FYCO1: variants seen among roughly 807,000 people sequenced by gnomAD.
The protein encoded by FYCO1 is FYVE and coiled-coil domain autophagy adaptor 1, also known as FYVE and coiled-coil domain-containing protein 1.
In FYCO1, 122 loss-of-function variants were observed where a neutral mutation model predicts 165.1. That is an observed-to-expected ratio of 0.74 (90% CI 0.64 to 0.86). The LOEUF (loss-of-function observed/expected upper bound fraction) is 0.86, where lower values mean the gene tolerates loss of function less well. FYCO1 is among the 40% of genes least tolerant of loss of function. The pLI is 0.00. For synonymous variants in FYCO1, 648 were observed against 742.5 expected (o/e 0.87, Z 2.07); for missense variants, 1,702 against 1,810.3 (o/e 0.94, Z 1.09).
At chr3:45,979,265 G>A (rs1706926772) in intron 4 of FYCO1, among the ~76,000 whole-genome samples, 1 of 152,232 alleles carries the variant, frequency 6.6e-6, no homozygotes, top group Admixed American at 6.5e-5. Context: ...AATGTCTCTT[G>A]AGATCCCACA....
intron 3 of FYCO1, among the ~76,000 whole-genome samples, chr3:45,980,222 G>A (rs1458263796): frequency 5.9e-5 from 9 of 152,004 alleles, no homozygotes; most frequent in Admixed American, 2.6e-4. Flanking sequence ...GGTGGCGGGC[G>A]CCTGTGATCC....
intron 2 of FYCO1, among the ~76,000 whole-genome samples, 187 bp from the exon 3 acceptor site, chr3:45,981,863 T>C (rs1017560413): frequency 6.6e-6 from 1 of 152,168 alleles, no homozygotes; most frequent in Non-Finnish European, 1.5e-5. Flanking sequence ...TCCTGAGAGC[T>C]CACAGATACT....
Position 45,966,625 on chromosome 3 carries a change from T to C in FYCO1, c.2709A>G (p.Thr903=), listed in dbSNP as rs2125849319. The C allele has an allele frequency of 1.2e-6, 2 of 1,614,192 alleles. No individual in the cohort carries two copies. The highest frequency in any genetic ancestry group is 1.7e-6 in the Non-Finnish European group (2 of 1,180,036). The part of the protein sequence containing the change: ...ELQEQLHRAN[T]DTAELGIQVC... Reference sequence around the variant, plus strand: ...CCTGGATGCCCAGCTCAGCTGTGTCTGTGTTGGCCCGGTGCAGCTGCTCTT... The same window carrying C: ...CCTGGATGCCCAGCTCAGCTGTGTCCGTGTTGGCCCGGTGCAGCTGCTCTT... The change falls in exon 8 of 18, where the codon ACA becomes ACG. Residue 903 remains threonine, a synonymous_variant. Coordinates refer to ENST00000296137, the MANE Select transcript of FYCO1 (RefSeq NM_024513.4).
chr3:45,918,604 T>G lies in FYCO1; in HGVS notation c.*3161A>C, dbSNP rs1017793901. The G allele has an allele frequency of 3.9e-5, 6 of 152,178 alleles. No individual in the cohort carries two copies. The highest frequency in any genetic ancestry group is 1.4e-4 in the African/African-American group (6 of 41,442). 9.4% of individuals were successfully genotyped at this position (152,178 alleles called of 1,614,324 possible). On this transcript the variant is annotated 3_prime_UTR_variant, in exon 18 of 18. Coordinates refer to ENST00000296137, the MANE Select transcript of FYCO1 (RefSeq NM_024513.4). ...TTTTAAAACTGAAACTCCTTTAAAA[T>G]TTCATCAGTGGACATCCAACCATAT...
intron 15 of FYCO1, among the ~76,000 whole-genome samples, chr3:45,936,196 T>A (rs1703877942): frequency 6.6e-6 from 1 of 152,168 alleles, no homozygotes; most frequent in Admixed American, 6.5e-5. Flanking sequence ...AGGGGCAACT[T>A]CCTAGGGTGA....
At chr3:45,966,164 C>T (rs1384682464) in intron 8 of FYCO1, 113 bp downstream of exon 8, 1 of 1,095,594 alleles carries the variant, frequency 9.1e-7, no homozygotes, top group African/African-American at 1.5e-5. Context: ...CCTGCACCCA[C>T]AGTACATTCT....
At chr3:45,941,848 C>T (rs980914048) in intron 14 of FYCO1, among the ~76,000 whole-genome samples, 1 of 152,186 alleles carries the variant, frequency 6.6e-6, no homozygotes, top group Admixed American at 6.5e-5. Context: ...GGTTGGTTGT[C>T]CCTGGGTAAA....
intron 7 of FYCO1, 119 bp downstream of exon 7, chr3:45,969,556 G>T: frequency 1.3e-6 from 1 of 754,960 alleles, no homozygotes; most frequent in African/African-American, 1.7e-5. Context: ...TAACTGAGTG[G>T]TTCTATTGCT....
chr3:45,924,508 T>G (rs1448804998), intron 16 of FYCO1, among the ~76,000 whole-genome samples: 2 of 152,218 alleles, frequency 1.3e-5, no homozygotes, highest in South Asian at 2.1e-4. Context: ...GGCTCACTTC[T>G]TCCCCACCAG....
At chr3:45,946,239 A>G (rs1704592514) in intron 14 of FYCO1, 1 of 478,364 alleles carries the variant, frequency 2.1e-6, no homozygotes, top group Non-Finnish European at 3.8e-6. Context: ...GATGGGTGAG[A>G]TCCTGAGAAT....
At chr3:45,990,106 G>A (rs552933776) in intron 1 of FYCO1, among the ~76,000 whole-genome samples, 3 of 152,204 alleles carry the variant, frequency 2.0e-5, no homozygotes, top group Non-Finnish European at 4.4e-5. Flanking sequence ...TCTCCTGACC[G>A]AAGTGTCAGG....
At chr3:45,952,929 G>T (rs914206236) in intron 14 of FYCO1, among the ~76,000 whole-genome samples, 1 of 152,188 alleles carries the variant, frequency 6.6e-6, no homozygotes, top group African/African-American at 2.4e-5. Flanking sequence ...AGCCATGGGG[G>T]TTGGGAGAAC....
At chr3:45,936,395 T>C (rs1440594404) in intron 15 of FYCO1, 53 bp downstream of exon 15, 1 of 1,239,160 alleles carries the variant, frequency 8.1e-7, no homozygotes, top group African/African-American at 1.5e-5. Context: ...GAGAGGCCAG[T>C]GCTCCTCCCA....
intron 11 of FYCO1, among the ~76,000 whole-genome samples, chr3:45,960,813 T>C (rs764521925): frequency 1.3e-5 from 2 of 152,110 alleles, no homozygotes; most frequent in African/African-American, 2.4e-5. Flanking sequence ...TACCAAAATT[T>C]TGAACCTGAG....
chr3:45,967,780 C>T lies in FYCO1; in HGVS notation c.1554G>A (p.Leu518=). The change falls in exon 8 of 18, where the codon CTG becomes CTA. Residue 518 remains leucine (L), a synonymous_variant. Transcript: ENST00000296137. The stretch of plus-strand genomic sequence containing the variant: ...GGCTCACCTGTGCCAGCTGGGTCTC[C>T]AGGAACTGCAGCTGCCGGGTCAGAG... The part of the protein sequence containing the change: ...VRSLTRQLQF[L]ETQLAQVSQH... The T allele has an allele frequency of 6.2e-7, 1 of 1,613,826 alleles. No individual in the cohort carries two copies. Among genetic ancestry groups the T allele is most frequent in the South Asian group, 1.1e-5 (1 of 91,084 alleles).
chr3:45,976,241 C>T (rs192253746), intron 4 of FYCO1, among the ~76,000 whole-genome samples: 6 of 151,930 alleles, frequency 3.9e-5, no homozygotes, highest in South Asian at 2.1e-4. Context: ...GAGATGTGAC[C>T]GTAACTGTTT....
chr3:45,981,705 C>T (rs1416642183), intron 2 of FYCO1, 29 bp from the exon 3 acceptor site: 1 of 1,451,856 alleles, frequency 6.9e-7, no homozygotes, highest in Admixed American at 1.7e-5. Context: ...GAACATGTAA[C>T]CAGATAGTGA....
intron 4 of FYCO1, 152 bp downstream of exon 4, chr3:45,979,553 A>G: frequency 1.1e-6 from 1 of 893,478 alleles, no homozygotes; most frequent in East Asian, 2.6e-5. Flanking sequence ...AGCCACTGCA[A>G]CAATGGGCAT....
chr3:45,923,529 C>T (rs1703184292), intron 17 of FYCO1, 127 bp downstream of exon 17: 2 of 727,128 alleles, frequency 2.8e-6, no homozygotes, highest in African/African-American at 1.7e-5. Context: ...GGAGAGGGGT[C>T]AACAATCAAA....
Sources: gnomAD v4.1 joint callset for allele counts (sites outside exome capture counted in the v4.1 genomes callset) on GRCh38, gnomAD v4.1.1 for gene constraint, MANE v1.5 for transcripts, NCBI Gene and HGNC (gene_info 2026-07-23, HGNC 2026-07-21) for gene names.